The following FOXJ3 variants were observed in gnomAD, a reference collection of about 807,000 sequenced individuals.
FOXJ3 encodes forkhead box protein J3.
In FOXJ3, 22 loss-of-function variants were observed where a neutral mutation model predicts 76.1. That is an observed-to-expected ratio of 0.29 (90% CI 0.21 to 0.41). FOXJ3 has a LOEUF of 0.41. Ranked by LOEUF, FOXJ3 falls within the 10% of genes least tolerant of loss-of-function variation. The pLI is 1.00. For missense variants in FOXJ3, 613 were observed against 762.1 expected, an observed-to-expected ratio of 0.80 and a Z score of 2.30; for synonymous variants, 269 against 261.2, an observed-to-expected ratio of 1.03 and a Z score of -0.29.
chr1:42,224,452 G>C (rs1019694722), intron 5 of FOXJ3, among the ~76,000 whole-genome samples: 3 of 151,960 alleles, frequency 2.0e-5, no homozygotes, highest in Admixed American at 1.3e-4. Flanking sequence ...TATTAGGATG[G>C]AGCCAGCCTG....
chr1:42,298,916 G>A (rs577106257), intron 2 of FOXJ3, among the ~76,000 whole-genome samples: 14 of 152,272 alleles, frequency 9.2e-5, no homozygotes, highest in African/African-American at 3.1e-4. Context: ...TCATTCAGGA[G>A]CATGTTGTTT....
chr1:42,191,939 C>T (rs1365789297), intron 8 of FOXJ3, among the ~76,000 whole-genome samples: 1 of 152,116 alleles, frequency 6.6e-6, no homozygotes, highest in Admixed American at 6.5e-5. Context: ...AAGATTATGA[C>T]CAACAATTTA....
rs1646488822 is a variant in FOXJ3, at chr1:42,188,885, A to G, written c.1497T>C (p.Ser499=). The change falls in exon 11 of 13, where the codon TCT becomes TCC. Residue 499 remains serine (S), a synonymous_variant. Coordinates refer to ENST00000361346, the MANE Select transcript of FOXJ3 (RefSeq NM_014947.5). The stretch of plus-strand genomic sequence containing the variant: ...GATCGGCAAACTGAACCTGGTCTAA[A>G]GACCAGTTCTTGAGATCTGCCTGTC... ...SMRQADLKNW[S]LDQVQFADLC... 6.2e-7 allele frequency: 1 copy of G among 1,612,924 alleles called. No homozygotes were observed. The highest frequency in any genetic ancestry group is 1.7e-4 in the Middle Eastern group (1 of 6,058).
intron 4 of FOXJ3, among the ~76,000 whole-genome samples, chr1:42,258,013 C>T (rs977599666): frequency 6.6e-6 from 1 of 152,246 alleles, no homozygotes; most frequent in Non-Finnish European, 1.5e-5. Context: ...TTTCAGACTC[C>T]TGGGGAGAGC....
At chr1:42,293,647 G>A (rs1321119371) in intron 2 of FOXJ3, among the ~76,000 whole-genome samples, 1 of 152,046 alleles carries the variant, frequency 6.6e-6, no homozygotes, top group Non-Finnish European at 1.5e-5. Flanking sequence ...CCAGTCTCAC[G>A]AGCTTCTCTT....
At chr1:42,214,804 C>T (rs909822845) in intron 5 of FOXJ3, among the ~76,000 whole-genome samples, 1 of 152,158 alleles carries the variant, frequency 6.6e-6, no homozygotes, top group African/African-American at 2.4e-5. Flanking sequence ...AGAGAAAAGG[C>T]AATCCTGTAA....
In FOXJ3 at chr1:42,191,498, G is replaced by A; in HGVS notation, c.1156C>T (p.Arg386Ter). Residue 386 changes from arginine (R) to a stop codon, truncating the protein, a stop_gained, in exon 9 of 13, where the codon CGA becomes TGA. Coordinates refer to ENST00000361346, the MANE Select transcript of FOXJ3 (RefSeq NM_014947.5). LOFTEE classifies it high-confidence loss of function. Reference sequence around the variant, plus strand: ...GGATGCTGCGGTAAACCATGCGGTCGATGGGGAGGATGTGGAGATGGCTGT... The same window carrying A: ...GGATGCTGCGGTAAACCATGCGGTCAATGGGGAGGATGTGGAGATGGCTGT... ...HTQPSPHPPH[R>*]PHGLPQHPQR... 6.2e-7 allele frequency: 1 copy of A among 1,614,002 alleles called. No individual in the cohort carries two copies. Among genetic ancestry groups the A allele is most frequent in the Non-Finnish European group, 8.5e-7 (1 of 1,179,954 alleles).
intron 2 of FOXJ3, among the ~76,000 whole-genome samples, chr1:42,297,911 T>C (rs1401640413): frequency 1.3e-5 from 2 of 152,216 alleles, no homozygotes; most frequent in Non-Finnish European, 2.9e-5. Context: ...AAAATTCAGC[T>C]ACAAATCTAT....
intron 11 of FOXJ3, among the ~76,000 whole-genome samples, chr1:42,184,362 T>G (rs1368238569): frequency 6.6e-6 from 1 of 152,114 alleles, no homozygotes; most frequent in Non-Finnish European, 1.5e-5. Context: ...GGAGAAAGAA[T>G]TACAGGATTA....
At chr1:42,235,708 G>T (rs564067111) in intron 4 of FOXJ3, among the ~76,000 whole-genome samples, 1 of 152,050 alleles carries the variant, frequency 6.6e-6, no homozygotes, top group Non-Finnish European at 1.5e-5. Flanking sequence ...GATTACAGGC[G>T]CCCGCCACCA....
chr1:42,204,120 T>TGCTCTCTGTGTAGCCCCTATGCC (rs1646815720), intron 6 of FOXJ3, among the ~76,000 whole-genome samples: 1 of 152,028 alleles, frequency 6.6e-6, no homozygotes, highest in Non-Finnish European at 1.5e-5. Context: ...TGCTCTAGGC[T>TGCTCTCTGTGTAGCCCCTATGCC]ACTGCTCTCT....
chr1:42,322,331 T>G (rs1655478230), intron 1 of FOXJ3, among the ~76,000 whole-genome samples: 2 of 152,128 alleles, frequency 1.3e-5, no homozygotes. Flanking sequence ...TACCTAAAAA[T>G]ATTGTCTATT....
rs1178256425 is a variant in FOXJ3, at chr1:42,194,787, G to T, written c.934+103C>A. On this transcript the variant is annotated intron_variant, in intron 8 of 12. Transcript: ENST00000361346. ...ACAATTACCTGATTCTTATTGTGAT[G>T]ATAATATTCTAAGATTAAGAGTATA... 9 of 723,672 alleles carry T rather than the reference G, an allele frequency of 1.2e-5. No individual in the cohort carries two copies. In the East Asian group the frequency reaches 1.3e-4, roughly 11 times the overall value. 44.8% of individuals were successfully genotyped at this position (723,672 alleles called of 1,614,324 possible).
Position 42,311,071 on chromosome 1 carries a change from C to T in FOXJ3, c.23G>A (p.Cys8Tyr). 2 of 1,588,946 alleles carry T rather than the reference C, an allele frequency of 1.3e-6. No homozygotes were observed. The highest frequency in any genetic ancestry group is 1.2e-5 in the South Asian group (1 of 85,732). Residue 8 changes from cysteine (C) to tyrosine (Y), a missense_variant, in exon 2 of 13, where the codon TGT becomes TAT. Physicochemically the swap from Cys to Tyr is radical, Grantham distance 194. Around this residue, in one of 3 missense-constraint regions of FOXJ3, gnomAD observed 77 missense variants for 115.1 expected, o/e 0.67. Transcript: ENST00000361346. MGLYGQA[C>Y]PSVTSLRMTS... The stretch of plus-strand genomic sequence containing the variant: ...TCACCTTAATGAAGTTACAGATGGA[C>T]AAGCCTGTCCATACAAACCCATCTG...
intron 4 of FOXJ3, among the ~76,000 whole-genome samples, chr1:42,237,668 G>C (rs1041459666): frequency 2.0e-5 from 3 of 151,590 alleles, no homozygotes; most frequent in East Asian, 1.9e-4. Context: ...TTTACGATAT[G>C]TGCTTTATAT....
chr1:42,307,198 G>A (rs1654522819), intron 2 of FOXJ3, among the ~76,000 whole-genome samples: 2 of 152,168 alleles, frequency 1.3e-5, no homozygotes, highest in South Asian at 4.1e-4. Context: ...AGTGAATCCA[G>A]CTTGCAGTGT....
chr1:42,185,897 G>A (rs1393545613), intron 11 of FOXJ3, among the ~76,000 whole-genome samples: 2 of 152,076 alleles, frequency 1.3e-5, no homozygotes, highest in African/African-American at 2.4e-5. Flanking sequence ...TACCAAGCGG[G>A]TCCTTGAAGA....
At chr1:42,262,942 A>G (rs1221556496) in intron 4 of FOXJ3, among the ~76,000 whole-genome samples, 1 of 152,226 alleles carries the variant, frequency 6.6e-6, no homozygotes, top group African/African-American at 2.4e-5. Flanking sequence ...TATAAAATCA[A>G]ATGTATGATA....
chr1:42,290,112 GATAGTT>G (rs1653324635), intron 2 of FOXJ3, among the ~76,000 whole-genome samples: 6 of 152,050 alleles, frequency 3.9e-5, no homozygotes, highest in Non-Finnish European at 7.4e-5. Flanking sequence ...AGAAGAAAAA[GATAGTT>G]AAAGTCTATG....
Sources: allele counts gnomAD v4.1 joint callset (sites outside exome capture counted in the v4.1 genomes callset), GRCh38; gene constraint gnomAD v4.1.1; regional missense constraint gnomAD v4.1.1; transcripts MANE v1.5; gene names NCBI Gene and HGNC (gene_info 2026-07-23, HGNC 2026-07-21).